The following NEMP2 variants were observed in gnomAD, a reference collection of about 807,000 sequenced individuals.
NEMP2 encodes nuclear envelope integral membrane protein 2, also known as UPF0571 transmembrane protein.
In NEMP2, 53 loss-of-function variants were observed where a neutral mutation model predicts 54.2. The observed-to-expected ratio is 0.98, with a 90% CI of 0.78 to 1.23. NEMP2 has a LOEUF of 1.23. NEMP2 is among the 50% of genes most tolerant of loss of function. The pLI, the probability that NEMP2 is intolerant of heterozygous loss-of-function variation, is 0.00. For synonymous variants in NEMP2, 197 were observed against 190.3 expected (o/e 1.04, Z -0.29); for missense variants, 455 against 511.3 (o/e 0.89, Z 1.06).
At chr2:190,626,536 G>A in the NEMP2 span, 1 of 152,108 alleles carries the variant, frequency 6.6e-6, no homozygotes. This position sits in a 1 kb window ranked among gnomAD's most constrained non-coding sequence, Gnocchi z 4.5. Context: ...CCCTTCTTTT[G>A]AGTTGCTCAC....
At chr2:190,469,299 A>G in the NEMP2 span, among the ~76,000 whole-genome samples, 2 of 152,166 alleles carry the variant, frequency 1.3e-5, no homozygotes, top group African/African-American at 4.8e-5. The surrounding 1 kb of genome is among the most constrained non-coding windows in gnomAD (Gnocchi z 5.3). Flanking sequence ...GAGCAAGGCC[A>G]CATTCGTGTT....
the NEMP2 span, among the ~76,000 whole-genome samples, chr2:190,423,244 A>C: frequency 4.6e-5 from 7 of 152,180 alleles, no homozygotes; most frequent in Admixed American, 3.9e-4. The surrounding 1 kb of genome is among the most constrained non-coding windows in gnomAD (Gnocchi z 4.3). Flanking sequence ...GTCGCCACCA[A>C]GGTCCCTCAT....
chr2:190,481,822 G>C, the NEMP2 span, among the ~76,000 whole-genome samples: 1 of 152,344 alleles, frequency 6.6e-6, no homozygotes, highest in African/African-American at 2.4e-5. Context: ...GCAGCACACA[G>C]AAGATCCATG....
chr2:190,623,333 G>A, the NEMP2 span, among the ~76,000 whole-genome samples: 2 of 151,614 alleles, frequency 1.3e-5, no homozygotes, highest in Non-Finnish European at 2.9e-5. Flanking sequence ...AATTCTAATG[G>A]GACCACTCAA....
upstream of NEMP2, among the ~76,000 whole-genome samples, chr2:190,536,893 CT>C (rs1367012037): frequency 1.1e-4 from 17 of 152,224 alleles, no homozygotes; most frequent in African/African-American, 4.1e-4. Context: ...ACATTATTGA[CT>C]GGACAGAAGA....
the NEMP2 span, among the ~76,000 whole-genome samples, chr2:190,634,843 G>C: frequency 6.6e-6 from 1 of 152,184 alleles, no homozygotes. This position sits in a 1 kb window ranked among gnomAD's most constrained non-coding sequence, Gnocchi z 6.8. Flanking sequence ...GGGCTGCTTT[G>C]GTTAAATCTC....
the NEMP2 span, among the ~76,000 whole-genome samples, chr2:190,634,383 T>C: frequency 3.3e-5 from 5 of 152,184 alleles, no homozygotes; most frequent in Non-Finnish European, 7.4e-5. This position sits in a 1 kb window ranked among gnomAD's most constrained non-coding sequence, Gnocchi z 6.8. Context: ...ATAATGTGTG[T>C]TTGTTTAATT....
At chr2:190,633,213 T>C in the NEMP2 span, among the ~76,000 whole-genome samples, 1 of 152,184 alleles carries the variant, frequency 6.6e-6, no homozygotes, top group Admixed American at 6.5e-5. Context: ...GCCTTTGAAC[T>C]GTACTAATTG....
the NEMP2 span, chr2:190,489,835 C>G: frequency 1.2e-6 from 2 of 1,614,148 alleles, no homozygotes; most frequent in Non-Finnish European, 1.7e-6. The surrounding 1 kb of genome is among the most constrained non-coding windows in gnomAD (Gnocchi z 6.6). Flanking sequence ...TTGCCCTGAT[C>G]CAGTGGCTGG....
chr2:190,502,829 T>C (rs1371339505), downstream of NEMP2, among the ~76,000 whole-genome samples: 1 of 152,240 alleles, frequency 6.6e-6, no homozygotes, highest in Non-Finnish European at 1.5e-5. This position sits in a 1 kb window ranked among gnomAD's most constrained non-coding sequence, Gnocchi z 4.4. Context: ...ATTTTGCCCT[T>C]AACAAAAACT....
the NEMP2 span, among the ~76,000 whole-genome samples, chr2:190,615,529 C>T: frequency 2.6e-5 from 4 of 152,328 alleles, no homozygotes; most frequent in South Asian, 8.3e-4. This position sits in a 1 kb window ranked among gnomAD's most constrained non-coding sequence, Gnocchi z 4.7. Flanking sequence ...ACCTGGAAAT[C>T]TTCCAAACCT....
the NEMP2 span, among the ~76,000 whole-genome samples, chr2:190,474,954 A>G: frequency 1.3e-5 from 2 of 152,286 alleles, no homozygotes; most frequent in African/African-American, 4.8e-5. Context: ...AAACAGAACC[A>G]AAGACAAAAA....
At chr2:190,572,833 G>GTTTATATATATATATATATATATA in the NEMP2 span, among the ~76,000 whole-genome samples, 7 of 47,866 alleles carry the variant, frequency 1.5e-4, 2 homozygotes, top group East Asian at 9.2e-4. Flanking sequence ...CTTTTCATGA[G>GTTTATATATATATATATATATATA]TATATATATA....
At chr2:190,550,621 C>T in the NEMP2 span, among the ~76,000 whole-genome samples, 1 of 152,186 alleles carries the variant, frequency 6.6e-6, no homozygotes, top group East Asian at 1.9e-4. The surrounding 1 kb of genome is among the most constrained non-coding windows in gnomAD (Gnocchi z 4.7). Context: ...GCTTAAAGTA[C>T]TTTTTTCATA....
At chr2:190,578,483 G>A in the NEMP2 span, among the ~76,000 whole-genome samples, 1 of 152,076 alleles carries the variant, frequency 6.6e-6, no homozygotes, top group African/African-American at 2.4e-5. This position sits in a 1 kb window ranked among gnomAD's most constrained non-coding sequence, Gnocchi z 4.4. Flanking sequence ...AGCAAAGGCA[G>A]GTGGGCCGGG....
rs1159905687 is a variant in NEMP2 at position 190,520,755 on chromosome 2, C to T, written c.214-1572G>A. On this transcript the variant is annotated intron_variant, in intron 2 of 8. Transcript: ENST00000409150. This position sits in a 1 kb window ranked among gnomAD's most constrained non-coding sequence, Gnocchi z 5.4. ...TATCCTGGACCTTGTCAGTACCAGA[C>T]TGCAGCCCCTCCATACATTGTGTTT... Among the ~76,000 whole-genome samples the T allele has an allele frequency of 6.6e-6, 1 of 152,162 alleles. No homozygotes were observed. The highest frequency in any genetic ancestry group is 2.4e-5 in the African/African-American group (1 of 41,424).
chr2:190,610,363 C>G, the NEMP2 span: 1 of 152,152 alleles, frequency 6.6e-6, no homozygotes, highest in Non-Finnish European at 1.5e-5. This position sits in a 1 kb window ranked among gnomAD's most constrained non-coding sequence, Gnocchi z 5.4. Context: ...TTTGTACCAT[C>G]AAATACCTAT....
At chr2:190,587,998 G>A in the NEMP2 span, among the ~76,000 whole-genome samples, 1 of 152,164 alleles carries the variant, frequency 6.6e-6, no homozygotes, top group Non-Finnish European at 1.5e-5. This position sits in a 1 kb window ranked among gnomAD's most constrained non-coding sequence, Gnocchi z 5.4. Flanking sequence ...GCAAAACCCA[G>A]ACAAATCATT....
At chr2:190,445,000 C>A in the NEMP2 span, 1 of 275,552 alleles carries the variant, frequency 3.6e-6, no homozygotes, top group African/African-American at 2.3e-5. Flanking sequence ...TATTTTACAG[C>A]CCACCTGAGG....
Sources: allele counts gnomAD v4.1 joint callset (sites outside exome capture counted in the v4.1 genomes callset), GRCh38; gene constraint gnomAD v4.1.1; non-coding constraint Gnocchi (gnomAD v3.1); transcripts MANE v1.5; gene names NCBI Gene and HGNC (gene_info 2026-07-23, HGNC 2026-07-21).